Variants in CNTNAP4 observed in about 807,000 individuals in gnomAD.
The protein encoded by CNTNAP4 is contactin-associated protein-like 4.
A neutral mutation model predicts 148.4 loss-of-function variants in CNTNAP4; 98 were observed. The ratio of observed to expected loss-of-function variants is 0.66; its 90% CI spans 0.56 to 0.78. The LOEUF is 0.78. CNTNAP4 is among the 30% of genes least tolerant of loss of function. CNTNAP4 has a pLI of 0.00. For missense variants in CNTNAP4, 1,935 were observed against 1,565.6 expected (o/e 1.24, Z -3.98); for synonymous variants, 730 against 565.1 (o/e 1.29, Z -4.14).
chr16:76,523,768 A>G (rs1358375009), intron 17 of CNTNAP4, among the ~76,000 whole-genome samples: 1 of 152,070 alleles, frequency 6.6e-6, no homozygotes, highest in Non-Finnish European at 1.5e-5. Flanking sequence ...TACAAAAAGT[A>G]AAAAATTAAA....
At position 76,391,140 on chromosome 16, in the gene CNTNAP4, C is replaced by T. The variant is rs1002470298; in HGVS notation, c.390+35629C>T. ...GTTTTGTACACATTAACTATCCCTA[C>T]CTAGCCCCCCACTACCCTTCCCAAT... On this transcript the variant is annotated intron_variant, in intron 3 of 23. Transcript: ENST00000611870. Among the ~76,000 whole-genome samples the T allele has an allele frequency of 2.6e-5, 4 of 152,280 alleles. No individual in the cohort carries two copies. The East Asian group carries it at 7.7e-4, about 29-fold the overall frequency.
intron 1 of CNTNAP4, among the ~76,000 whole-genome samples, chr16:76,283,455 A>G (rs1446979730): frequency 6.6e-6 from 1 of 152,012 alleles, no homozygotes; most frequent in Non-Finnish European, 1.5e-5. Context: ...TGGTACATAT[A>G]CACCGTGGAA....
chr16:76,553,390 C>A lies in CNTNAP4; in HGVS notation c.3550C>A (p.His1184Asn). The change falls in exon 22 of 24, where the codon CAC (histidine) becomes AAC (asparagine). Residue 1184 changes from histidine to asparagine, a missense_variant. By Grantham distance (68) the His-to-Asn change is moderately conservative. Coordinates refer to ENST00000611870, the MANE Select transcript of CNTNAP4 (RefSeq NM_033401.5). ...SHVAPLKAAL[H>N]PSHPDPVTVT... The stretch of plus-strand genomic sequence containing the variant: ...CGTGGCCCCTCTGAAGGCAGCTCTG[C>A]ACCCCAGCCACCCAGACCCTGTCAC... 1 of 1,612,428 alleles carries A rather than the reference C, an allele frequency of 6.2e-7. No individual in the cohort carries two copies. The highest frequency in any genetic ancestry group is 8.5e-7 in the Non-Finnish European group (1 of 1,179,144).
At chr16:76,465,901 T>C (rs1333756311) in intron 9 of CNTNAP4, among the ~76,000 whole-genome samples, 1 of 152,202 alleles carries the variant, frequency 6.6e-6, no homozygotes, top group Non-Finnish European at 1.5e-5. Context: ...TTACTTGCCA[T>C]GTAAATGTAT....
intron 3 of CNTNAP4, among the ~76,000 whole-genome samples, chr16:76,425,502 G>A (rs1239146022): frequency 1.3e-5 from 2 of 152,052 alleles, no homozygotes; most frequent in Non-Finnish European, 2.9e-5. Flanking sequence ...TTTCTAGGAG[G>A]ATAAGATAAA....
chr16:76,350,514 C>G (rs1418562325), intron 2 of CNTNAP4, among the ~76,000 whole-genome samples: 2 of 152,138 alleles, frequency 1.3e-5, no homozygotes, highest in East Asian at 1.9e-4. Context: ...GTTACAGAAG[C>G]AAGTCCCTCA....
At chr16:76,339,838 G>A (rs989700135) in intron 2 of CNTNAP4, among the ~76,000 whole-genome samples, 3 of 152,152 alleles carry the variant, frequency 2.0e-5, no homozygotes, top group African/African-American at 7.2e-5. Flanking sequence ...TTTCTAATAC[G>A]AGATTTGATT....
Position 76,498,710 on chromosome 16 carries a change from G to T in CNTNAP4, c.2365+16G>T, listed in dbSNP as rs1391875215. On this transcript the variant is annotated intron_variant, in intron 15 of 23. Coordinates refer to ENST00000611870, the MANE Select transcript of CNTNAP4 (RefSeq NM_033401.5). ...CAGGGAGACAGTAAGTGGTTACAAT[G>T]TGTTGAAACCGTATTTGAGAAAAGA... 6.3e-7 allele frequency: 1 copy of T among 1,587,278 alleles called. No individual in the cohort carries two copies. The highest frequency in any genetic ancestry group is 1.2e-5 in the South Asian group (1 of 84,956).
chr16:76,343,654 C>T (rs1964669770), intron 2 of CNTNAP4, among the ~76,000 whole-genome samples: 1 of 152,072 alleles, frequency 6.6e-6, no homozygotes, highest in African/African-American at 2.4e-5. Context: ...AATCACCCAC[C>T]AATGGTTTGT....
chr16:76,552,365 A>G (rs1249990426), intron 21 of CNTNAP4, among the ~76,000 whole-genome samples: 2 of 152,066 alleles, frequency 1.3e-5, no homozygotes, highest in African/African-American at 2.4e-5. Context: ...ATTTTTTTTT[A>G]TCACACTGGG....
intron 12 of CNTNAP4, among the ~76,000 whole-genome samples, chr16:76,484,773 T>C (rs574306893): frequency 6.7e-4 from 102 of 152,352 alleles, no homozygotes; most frequent in Admixed American, 1.2e-3. Context: ...TATCAATGTT[T>C]CATTGCTTGC....
chr16:76,378,493 A>T (rs1362002483), intron 3 of CNTNAP4, among the ~76,000 whole-genome samples: 1 of 152,150 alleles, frequency 6.6e-6, no homozygotes, highest in Non-Finnish European at 1.5e-5. Flanking sequence ...GGTGTATAAG[A>T]CCAGGATTTG....
chr16:76,467,260 T>C, intron 9 of CNTNAP4, 92 bp from the exon 10 acceptor site: 1 of 1,074,266 alleles, frequency 9.3e-7, no homozygotes, highest in Non-Finnish European at 1.4e-6. Flanking sequence ...AATAATCATA[T>C]GCCTCTTTCT....
At chr16:76,527,128 C>T (rs1275515128) in intron 17 of CNTNAP4, among the ~76,000 whole-genome samples, 13 of 152,176 alleles carry the variant, frequency 8.5e-5, no homozygotes, top group Non-Finnish European at 1.9e-4. Context: ...TCCTTCTTCA[C>T]AGGCCAGAGA....
intron 3 of CNTNAP4, among the ~76,000 whole-genome samples, chr16:76,373,636 T>C (rs1311865759): frequency 6.6e-6 from 1 of 152,072 alleles, no homozygotes; most frequent in Non-Finnish European, 1.5e-5. Flanking sequence ...ATCTCATGCC[T>C]GTAATCTCAG....
chr16:76,342,110 A>G (rs1964514701), intron 2 of CNTNAP4, among the ~76,000 whole-genome samples: 1 of 152,208 alleles, frequency 6.6e-6, no homozygotes, highest in African/African-American at 2.4e-5. Flanking sequence ...TCATCCCTCA[A>G]GAATCATGCA....
At chr16:76,312,462 A>T (rs984586700) in intron 1 of CNTNAP4, among the ~76,000 whole-genome samples, 2 of 152,276 alleles carry the variant, frequency 1.3e-5, no homozygotes, top group Middle Eastern at 3.4e-3. Context: ...TTAATCCACA[A>T]TTCCAAATTT....
chr16:76,288,278 A>T (rs566270550), intron 1 of CNTNAP4, among the ~76,000 whole-genome samples: 1 of 152,112 alleles, frequency 6.6e-6, no homozygotes, highest in African/African-American at 2.4e-5. Context: ...CTCTCTAGCC[A>T]TGCAGAACAG....
chr16:76,513,075 G>C (rs531540843), intron 15 of CNTNAP4, among the ~76,000 whole-genome samples: 2 of 152,234 alleles, frequency 1.3e-5, no homozygotes, highest in South Asian at 4.1e-4. Flanking sequence ...ACGAGAGTGG[G>C]GTTTCTGAGA....
Sources: gnomAD v4.1 joint callset for allele counts (sites outside exome capture counted in the v4.1 genomes callset) on GRCh38, gnomAD v4.1.1 for gene constraint, MANE v1.5 for transcripts, NCBI Gene and HGNC (gene_info 2026-07-23, HGNC 2026-07-21) for gene names.